The following ARL13B variants were observed in gnomAD, a reference collection of about 807,000 sequenced individuals.
The protein encoded by ARL13B is ARF like GTPase 13B.
In ARL13B, 36 loss-of-function variants were observed where a neutral mutation model predicts 56.1. The observed-to-expected ratio is 0.64, with a 90% CI of 0.49 to 0.85. The LOEUF (loss-of-function observed/expected upper bound fraction) is 0.85. Ranked by LOEUF, ARL13B falls within the 40% of genes least tolerant of loss-of-function variation. The pLI, the probability that ARL13B is intolerant of heterozygous loss-of-function variation, is 0.00. For synonymous variants in ARL13B, 178 were observed against 171.1 expected (o/e 1.04, Z -0.32); for missense variants, 519 against 507.1 (o/e 1.02, Z -0.23).
chr3:94,035,745 A>AT lies in ARL13B; in HGVS notation c.486+312dup, dbSNP rs1316031596. ...TGGGAAAGAAAAGTGTAAATACAAA[A>AT]TTTAAACATATGAGAGATTCATAAT... On this transcript the variant is annotated intron_variant, in intron 4 of 9. Coordinates refer to ENST00000394222, the MANE Select transcript of ARL13B (RefSeq NM_001174150.2). Among the ~76,000 whole-genome samples the AT allele has an allele frequency of 2.0e-5, 3 of 152,188 alleles. No individual in the cohort carries two copies. In the East Asian group the frequency reaches 5.8e-4, roughly 29 times the overall value.
intron 2 of ARL13B, among the ~76,000 whole-genome samples, chr3:93,999,208 T>C (rs2076013793): frequency 6.6e-6 from 1 of 152,038 alleles, no homozygotes. Flanking sequence ...CCCGAAGTGT[T>C]GGGATAGTAG....
chr3:94,007,522 G>A (rs1238869969), intron 3 of ARL13B, among the ~76,000 whole-genome samples: 1 of 152,158 alleles, frequency 6.6e-6, no homozygotes, highest in Non-Finnish European at 1.5e-5. Context: ...TCAGAATCAT[G>A]GTGGGAGGCA....
chr3:94,022,687 A>G (rs2076473320), intron 3 of ARL13B, among the ~76,000 whole-genome samples: 1 of 152,154 alleles, frequency 6.6e-6, no homozygotes. Context: ...GGATAGAGAT[A>G]GAAAATGAAT....
At chr3:93,990,678 G>T (rs1201477665) in intron 1 of ARL13B, among the ~76,000 whole-genome samples, 1 of 152,116 alleles carries the variant, frequency 6.6e-6, no homozygotes, top group Non-Finnish European at 1.5e-5. Context: ...AGTATATCAA[G>T]TTCCCTTTAG....
intron 1 of ARL13B, 95 bp downstream of exon 1, chr3:93,980,577 C>A: frequency 2.7e-6 from 4 of 1,478,144 alleles, no homozygotes; most frequent in Non-Finnish European, 3.7e-6. Context: ...CTGGACGAGT[C>A]TATCCCAGGC....
At chr3:94,046,600 A>G (rs1042733135) in intron 7 of ARL13B, among the ~76,000 whole-genome samples, 2 of 152,056 alleles carry the variant, frequency 1.3e-5, no homozygotes, top group Non-Finnish European at 2.9e-5. Flanking sequence ...ATTCAGGTGT[A>G]TACTGTTTTG....
chr3:93,988,284 A>G (rs1710566806), intron 1 of ARL13B, among the ~76,000 whole-genome samples: 1 of 152,086 alleles, frequency 6.6e-6, no homozygotes, highest in African/African-American at 2.4e-5. Flanking sequence ...AAAATGTTCA[A>G]GACATTAAAT....
At chr3:94,000,376 A>G (rs1357135161) in intron 2 of ARL13B, among the ~76,000 whole-genome samples, 1 of 151,796 alleles carries the variant, frequency 6.6e-6, no homozygotes, top group East Asian at 1.9e-4. Flanking sequence ...TGTTGTAAGC[A>G]GTCATGAGCC....
At chr3:93,994,209 T>C (rs1374656630) in intron 1 of ARL13B, among the ~76,000 whole-genome samples, 1 of 152,206 alleles carries the variant, frequency 6.6e-6, no homozygotes, top group African/African-American at 2.4e-5. Flanking sequence ...CTTGGTTTCA[T>C]CACAGTGGCT....
rs763687846 is a variant in ARL13B, at chr3:93,980,283, C to A, written c.-141C>A. 2 of 1,110,330 alleles carry A rather than the reference C, an allele frequency of 1.8e-6. No homozygotes were observed. The highest frequency in any genetic ancestry group is 2.7e-6 in the Non-Finnish European group (2 of 748,766). The allele number at this position is 1,110,330 out of a possible 1,614,324, so 68.8% of individuals were successfully genotyped here. ...AGCAAGGCTTAGTGCTCGGGCCGGCCGCCTTCACTTCCCTCCCGGCTTTTC... is the reference window on the plus strand; with the variant it reads ...AGCAAGGCTTAGTGCTCGGGCCGGCAGCCTTCACTTCCCTCCCGGCTTTTC... On this transcript the variant is annotated 5_prime_UTR_variant, in exon 1 of 10. Transcript: ENST00000394222.
At chr3:94,045,950 C>CAAAAAAAAAAAAAAAAA (rs1199964643) in intron 7 of ARL13B, among the ~76,000 whole-genome samples, 1 of 44,442 alleles carries the variant, frequency 2.3e-5, no homozygotes, top group Non-Finnish European at 4.1e-5. Context: ...GACTCCATCA[C>CAAAAAAAAAAAAAAAAA]AAAAAAAAAA....
intron 3 of ARL13B, among the ~76,000 whole-genome samples, chr3:94,012,666 G>A (rs528893297): frequency 1.1e-4 from 17 of 152,114 alleles, no homozygotes; most frequent in South Asian, 1.0e-3. Context: ...TATCTACTCT[G>A]AAATAATTGG....
At position 94,029,327 on chromosome 3, in the gene ARL13B, TATATATA is replaced by T. The variant is rs1194378386; in HGVS notation, c.381-6003_381-5997del. Among the ~76,000 whole-genome samples, 96 of 101,928 alleles carry T rather than the reference TATATATA, an allele frequency of 9.4e-4. 1 individual carries two copies. Among genetic ancestry groups the T allele is most frequent in the African/African-American group, 3.7e-3 (79 of 21,174 alleles). The allele number at this position is 101,928 out of a possible 152,430, so 66.9% of individuals were successfully genotyped here. ...ATATATATATATATATATATATATATATATATATTTATTTTTTTTTTATTTTTTTTTT... is the reference window on the plus strand; with the variant it reads ...ATATATATATATATATATATATATATTTTATTTTTTTTTTATTTTTTTTTT... On this transcript the variant is annotated intron_variant, in intron 3 of 9. Transcript: ENST00000394222.
intron 1 of ARL13B, among the ~76,000 whole-genome samples, chr3:93,981,335 G>C (rs1710203227): frequency 6.6e-6 from 1 of 151,724 alleles, no homozygotes; most frequent in Non-Finnish European, 1.5e-5. Flanking sequence ...GTTCTAGTCT[G>C]GAATTGGGCC....
intron 9 of ARL13B, among the ~76,000 whole-genome samples, chr3:94,052,763 A>AT (rs1027808338): frequency 6.6e-6 from 1 of 152,136 alleles, no homozygotes; most frequent in African/African-American, 2.4e-5. Flanking sequence ...TTAGAAAAAC[A>AT]TTTTTTGTTG....
At position 94,053,934 on chromosome 3, in the gene ARL13B, C is replaced by T. The variant is rs1013523735; in HGVS notation, c.*671C>T. 7 of 319,768 alleles carry T rather than the reference C, an allele frequency of 2.2e-5. No homozygotes were observed. Among genetic ancestry groups the T allele is most frequent in the East Asian group, 1.6e-4 (2 of 12,478 alleles). The allele number at this position is 319,768 out of a possible 1,614,324, so 19.8% of individuals were successfully genotyped here. ...ACCTAATTTAAAAATAATATATTTT[C>T]GAAGTAGTAGATTCTCAGATCTTTA... On this transcript the variant is annotated 3_prime_UTR_variant, in exon 10 of 10. Transcript: ENST00000394222.
chr3:94,027,536 A>G (rs769316971), intron 3 of ARL13B, among the ~76,000 whole-genome samples: 6 of 152,102 alleles, frequency 3.9e-5, no homozygotes, highest in African/African-American at 1.2e-4. Context: ...TTAAAACTGC[A>G]TAGCTGTGAA....
At chr3:93,993,566 A>T (rs575451681) in intron 1 of ARL13B, among the ~76,000 whole-genome samples, 104 of 152,218 alleles carry the variant, frequency 6.8e-4, no homozygotes, top group African/African-American at 2.3e-3. Flanking sequence ...GACTACAGGG[A>T]TGTGCCTCCG....
intron 9 of ARL13B, among the ~76,000 whole-genome samples, chr3:94,052,832 G>T (rs888916672): frequency 6.6e-6 from 1 of 152,212 alleles, no homozygotes; most frequent in Admixed American, 6.5e-5. Flanking sequence ...AAATTTGGGG[G>T]CTATTGCAGT....
Sources: gnomAD v4.1 joint callset for allele counts (sites outside exome capture counted in the v4.1 genomes callset) on GRCh38, gnomAD v4.1.1 for gene constraint, MANE v1.5 for transcripts, NCBI Gene and HGNC (gene_info 2026-07-23, HGNC 2026-07-21) for gene names.